Variants in ROBO1 observed in about 807,000 individuals in gnomAD.
ROBO1 encodes the protein roundabout guidance receptor 1, also known as roundabout homolog 1.
In ROBO1, 149 loss-of-function variants were observed where a neutral mutation model predicts 195.9. The observed-to-expected ratio is 0.76, with a 90% CI of 0.67 to 0.87. The LOEUF (loss-of-function observed/expected upper bound fraction) is 0.87. Among genes scored for constraint, ROBO1 ranks in the 40% least tolerant of loss-of-function variants. ROBO1 has a pLI of 0.00. For synonymous variants in ROBO1, 816 were observed against 733.2 expected, an observed-to-expected ratio of 1.11 and a Z score of -1.82; for missense variants, 1,933 against 2,068.3, an observed-to-expected ratio of 0.93 and a Z score of 1.27.
chr3:79,258,585 T>C (rs1356952448), intron 2 of ROBO1, among the ~76,000 whole-genome samples: 1 of 152,190 alleles, frequency 6.6e-6, no homozygotes. Flanking sequence ...GTGCGCCATG[T>C]CATAGCAGCA....
At chr3:79,623,766 A>G (rs565329765) in intron 1 of ROBO1, among the ~76,000 whole-genome samples, 132 of 152,340 alleles carry the variant, frequency 8.7e-4, no homozygotes, top group African/African-American at 3.0e-3. Flanking sequence ...AAGCTGTTAA[A>G]CATACTTCAG....
intron 4 of ROBO1, among the ~76,000 whole-genome samples, chr3:78,896,658 CA>C (rs142287501): frequency 2.1e-3 from 137 of 65,892 alleles, no homozygotes; most frequent in Middle Eastern, 0.024. Context: ...TTGTTGCTCA[CA>C]AAAAAAAAAA....
chr3:78,764,867 T>C (rs558963537), intron 4 of ROBO1, among the ~76,000 whole-genome samples: 1 of 152,262 alleles, frequency 6.6e-6, no homozygotes, highest in East Asian at 1.9e-4. Context: ...TCTGTCATCA[T>C]GACAGCTTTA....
chr3:78,877,113 A>G (rs1559953027), intron 4 of ROBO1, among the ~76,000 whole-genome samples: 4 of 152,180 alleles, frequency 2.6e-5, no homozygotes, highest in Admixed American at 2.0e-4. Flanking sequence ...TATTAAATAG[A>G]TAAATGAAAA....
intron 1 of ROBO1, among the ~76,000 whole-genome samples, chr3:79,691,804 T>C (rs1321202348): frequency 1.3e-5 from 2 of 151,962 alleles, no homozygotes; most frequent in Non-Finnish European, 2.9e-5. Flanking sequence ...GAAGTTCAAA[T>C]TGTAATATTC....
chr3:78,922,818 G>A (rs773733725), intron 4 of ROBO1, among the ~76,000 whole-genome samples: 4 of 151,526 alleles, frequency 2.6e-5, no homozygotes, highest in Non-Finnish European at 5.9e-5. Context: ...CCATAGTCTC[G>A]AACTCCTGAC....
At chr3:78,693,068 A>G in intron 8 of ROBO1, 1 of 365,728 alleles carries the variant, frequency 2.7e-6, no homozygotes, top group Non-Finnish European at 4.9e-6. Flanking sequence ...ATGTAATCCT[A>G]TCACTTATTT....
At chr3:79,389,349 T>C (rs886099812) in intron 2 of ROBO1, among the ~76,000 whole-genome samples, 1 of 152,136 alleles carries the variant, frequency 6.6e-6, no homozygotes, top group African/African-American at 2.4e-5. Flanking sequence ...AATATTAAAC[T>C]TCACTTGGTA....
chr3:78,693,859 A>T (rs553558233), intron 8 of ROBO1, among the ~76,000 whole-genome samples: 1 of 152,194 alleles, frequency 6.6e-6, no homozygotes, highest in Non-Finnish European at 1.5e-5. Flanking sequence ...CATGCTTCTC[A>T]TACGCAAATA....
intron 2 of ROBO1, among the ~76,000 whole-genome samples, chr3:79,474,643 G>T (rs979776400): frequency 6.6e-6 from 1 of 151,956 alleles, no homozygotes; most frequent in African/African-American, 2.4e-5. Flanking sequence ...TTTGTTTTAT[G>T]CATGGTGCTA....
intron 4 of ROBO1, among the ~76,000 whole-genome samples, chr3:78,910,720 G>A (rs905151952): frequency 2.0e-5 from 3 of 151,836 alleles, no homozygotes; most frequent in Non-Finnish European, 2.9e-5. Context: ...TCAAATGCTC[G>A]GCAAATATTT....
chr3:78,738,116 C>T (rs572096399), intron 5 of ROBO1, among the ~76,000 whole-genome samples: 1 of 151,886 alleles, frequency 6.6e-6, no homozygotes, highest in African/African-American at 2.4e-5. Context: ...AAGCAGATGG[C>T]GTAGGAAGGA....
intron 4 of ROBO1, among the ~76,000 whole-genome samples, chr3:78,803,064 C>A (rs553383345): frequency 6.6e-6 from 1 of 152,140 alleles, no homozygotes; most frequent in African/African-American, 2.4e-5. Flanking sequence ...AATCATCTAA[C>A]TCCAATGGGA....
At chr3:78,914,429 T>C (rs2038434062) in intron 4 of ROBO1, among the ~76,000 whole-genome samples, 1 of 151,980 alleles carries the variant, frequency 6.6e-6, no homozygotes, top group Non-Finnish European at 1.5e-5. Flanking sequence ...GTTGAAAAGG[T>C]TTAAGGTTAT....
At chr3:78,674,008 T>A (rs1486953855) in intron 10 of ROBO1, among the ~76,000 whole-genome samples, 1 of 152,112 alleles carries the variant, frequency 6.6e-6, no homozygotes, top group Non-Finnish European at 1.5e-5. Flanking sequence ...CCAAATCAAG[T>A]AGTAACTGGC....
At chr3:79,403,070 TC>T (rs1251252831) in intron 2 of ROBO1, among the ~76,000 whole-genome samples, 3 of 151,958 alleles carry the variant, frequency 2.0e-5, no homozygotes, top group Non-Finnish European at 4.4e-5. Flanking sequence ...AATTATCCAC[TC>T]ATTCTCTCTT....
chr3:78,911,662 T>C lies in ROBO1; in HGVS notation c.499+26939A>G, dbSNP rs562148932. 2.0e-5 allele frequency among the ~76,000 whole-genome samples: 3 copies of C among 152,188 alleles called. No homozygotes were observed. In the South Asian group the frequency reaches 6.2e-4, roughly 32 times the overall value. The stretch of plus-strand genomic sequence containing the variant: ...ACCTGAACTTGCCTTTGGGGAATTT[T>C]GAGAAGCACTAAATCAATTGATATG... On this transcript the variant is annotated intron_variant, in intron 4 of 30. Transcript: ENST00000464233.
At chr3:79,005,307 GC>G (rs2077595431) in intron 3 of ROBO1, among the ~76,000 whole-genome samples, 1 of 152,162 alleles carries the variant, frequency 6.6e-6, no homozygotes, top group African/African-American at 2.4e-5. Context: ...CTGAGCTGTA[GC>G]TCTAGAATTT....
chr3:79,655,611 C>T (rs972382229), intron 1 of ROBO1, among the ~76,000 whole-genome samples: 5 of 151,940 alleles, frequency 3.3e-5, no homozygotes, highest in African/African-American at 1.2e-4. Context: ...AAAAACATTC[C>T]ATGTATTTTT....
Sources: allele counts gnomAD v4.1 joint callset (sites outside exome capture counted in the v4.1 genomes callset), GRCh38; gene constraint gnomAD v4.1.1; transcripts MANE v1.5; gene names NCBI Gene and HGNC (gene_info 2026-07-23, HGNC 2026-07-21).